WWOX: variants seen among roughly 807,000 people sequenced by gnomAD.
The protein encoded by WWOX is WW domain-containing oxidoreductase.
Under a neutral mutation model 46.2 loss-of-function variants are expected in WWOX, and 69 were observed. The observed-to-expected ratio is 1.49, with a 90% CI of 1.23 to 1.82. The LOEUF (loss-of-function observed/expected upper bound fraction) is 1.82, where lower values mean the gene tolerates loss of function less well. Ranked by LOEUF, WWOX falls within the 40% of genes most tolerant of loss-of-function variation. The pLI, the probability that WWOX is intolerant of heterozygous loss-of-function variation, is 0.00. For synonymous variants in WWOX, 359 were observed against 202.6 expected (o/e 1.77, Z -6.56); for missense variants, 919 against 542.6 (o/e 1.69, Z -6.89).
intron 8 of WWOX, chr16:78,825,666 G>T (rs1203067469): frequency 1.9e-6 from 1 of 523,386 alleles, no homozygotes; most frequent in Non-Finnish European, 3.7e-6. Context: ...GAATAGGGGG[G>T]CCATAGGCTG....
At chr16:78,543,446 A>G (rs911174067) in intron 8 of WWOX, among the ~76,000 whole-genome samples, 1 of 152,198 alleles carries the variant, frequency 6.6e-6, no homozygotes, top group Non-Finnish European at 1.5e-5. Context: ...GTTGGTTGAT[A>G]AAGTCAAACT....
intron 8 of WWOX, among the ~76,000 whole-genome samples, chr16:78,473,595 G>C (rs1402226637): frequency 6.6e-6 from 1 of 152,176 alleles, no homozygotes; most frequent in East Asian, 1.9e-4. Context: ...AGGGGAGATT[G>C]TTGTCCCTCC....
intron 8 of WWOX, among the ~76,000 whole-genome samples, chr16:78,888,489 C>A (rs776686917): frequency 1.3e-5 from 2 of 152,186 alleles, no homozygotes; most frequent in Non-Finnish European, 2.9e-5. Context: ...CTGGTGCTAA[C>A]TGACAGCTCT....
At chr16:79,115,683 C>G (rs1597388795) in intron 8 of WWOX, among the ~76,000 whole-genome samples, 1 of 152,170 alleles carries the variant, frequency 6.6e-6, no homozygotes. Context: ...GGGCCTCTCC[C>G]AGCCCCCGCA....
At chr16:78,846,386 A>G (rs1350458114) in intron 8 of WWOX, among the ~76,000 whole-genome samples, 1 of 151,836 alleles carries the variant, frequency 6.6e-6, no homozygotes, top group Non-Finnish European at 1.5e-5. Context: ...ATTTATTATC[A>G]TATCTCTCCA....
At chr16:78,683,487 C>T (rs1174964249) in intron 8 of WWOX, among the ~76,000 whole-genome samples, 2 of 151,716 alleles carry the variant, frequency 1.3e-5, no homozygotes, top group Non-Finnish European at 2.9e-5. Flanking sequence ...TTGCAGTGAG[C>T]CGAGGTTGTG....
At chr16:78,653,658 A>T (rs2047016085) in intron 8 of WWOX, among the ~76,000 whole-genome samples, 2 of 152,244 alleles carry the variant, frequency 1.3e-5, no homozygotes, top group Non-Finnish European at 2.9e-5. Flanking sequence ...CCTGTGTAGG[A>T]CAGAGGAGCA....
intron 8 of WWOX, among the ~76,000 whole-genome samples, chr16:79,026,188 C>G (rs1041369459): frequency 6.6e-6 from 1 of 151,666 alleles, no homozygotes; most frequent in African/African-American, 2.4e-5. Flanking sequence ...GGTGAACAAC[C>G]CAAACCCTCA....
At chr16:79,001,151 G>A (rs2047084783) in intron 8 of WWOX, among the ~76,000 whole-genome samples, 2 of 152,206 alleles carry the variant, frequency 1.3e-5, no homozygotes, top group Admixed American at 1.3e-4. Flanking sequence ...AGGGAGCTGC[G>A]ATTTAATTTG....
chr16:78,134,027 C>T (rs1250666100), intron 4 of WWOX, among the ~76,000 whole-genome samples: 2 of 152,154 alleles, frequency 1.3e-5, no homozygotes, highest in Non-Finnish European at 2.9e-5. Flanking sequence ...AGACTGTTTC[C>T]TTAAAGAATT....
At chr16:78,438,549 C>T (rs530866772) in intron 8 of WWOX, among the ~76,000 whole-genome samples, 6 of 152,092 alleles carry the variant, frequency 3.9e-5, no homozygotes, top group African/African-American at 9.6e-5. Context: ...GACCAGTATG[C>T]AGATTTGAAG....
chr16:78,376,735 G>A (rs1388874006), intron 5 of WWOX, among the ~76,000 whole-genome samples: 6 of 152,154 alleles, frequency 3.9e-5, no homozygotes, highest in Non-Finnish European at 8.8e-5. Flanking sequence ...AATGTCTGTA[G>A]ACATTAGCAG....
intron 8 of WWOX, among the ~76,000 whole-genome samples, chr16:78,912,632 C>T (rs2045141489): frequency 6.6e-6 from 1 of 151,982 alleles, no homozygotes; most frequent in Non-Finnish European, 1.5e-5. Context: ...AATTTCATTT[C>T]TTATCATTTA....
chr16:78,764,133 G>C (rs1327142368), intron 8 of WWOX, among the ~76,000 whole-genome samples: 2 of 152,174 alleles, frequency 1.3e-5, no homozygotes, highest in Non-Finnish European at 2.9e-5. Context: ...CACCACTTTT[G>C]CCGAAAAGTC....
intron 8 of WWOX, among the ~76,000 whole-genome samples, chr16:79,064,387 T>C (rs1204346582): frequency 6.6e-6 from 1 of 152,180 alleles, no homozygotes; most frequent in Non-Finnish European, 1.5e-5. Flanking sequence ...AGGAATAATA[T>C]CTAGACCTAA....
Position 78,164,201 on chromosome 16 carries a change from CT to C in WWOX, c.432del (p.Phe144LeufsTer8). 1 of 1,614,102 alleles carries C rather than the reference CT, an allele frequency of 6.2e-7. No individual in the cohort carries two copies. Among genetic ancestry groups the C allele is most frequent in the South Asian group, 1.1e-5 (1 of 91,042 alleles). On this transcript the variant is annotated frameshift_variant, in exon 5 of 9. Transcript: ENST00000566780. LOFTEE classifies it high-confidence loss of function. ...ACCATAGGGTTCGAAACCGCCAAGT[CT>C]TTTGCCCTCCATGGTGCACATGTGA... ...NSGIGFETAK[S>X]FALHGAHVIL...
chr16:78,851,938 C>T (rs1027593509), intron 8 of WWOX, among the ~76,000 whole-genome samples: 4 of 152,164 alleles, frequency 2.6e-5, no homozygotes, highest in African/African-American at 9.7e-5. Context: ...ATTGCTAAAG[C>T]CTCTTGGTTT....
At chr16:78,678,004 T>C (rs558203820) in intron 8 of WWOX, among the ~76,000 whole-genome samples, 1 of 152,306 alleles carries the variant, frequency 6.6e-6, no homozygotes, top group Non-Finnish European at 1.5e-5. Flanking sequence ...CTTTCCAAAC[T>C]CTGCCGTCCC....
chr16:78,914,880 GAAAA>G (rs10706775), intron 8 of WWOX, among the ~76,000 whole-genome samples: 30 of 69,382 alleles, frequency 4.3e-4, no homozygotes, highest in African/African-American at 1.4e-3. Flanking sequence ...CTCCGCCTCA[GAAAA>G]AAAAAAAAAA....
Sources: allele counts gnomAD v4.1 joint callset (sites outside exome capture counted in the v4.1 genomes callset), GRCh38; gene constraint gnomAD v4.1.1; transcripts MANE v1.5; gene names NCBI Gene and HGNC (gene_info 2026-07-23, HGNC 2026-07-21).